Variants in NAV3 observed in about 807,000 individuals in gnomAD.
NAV3 encodes the protein neuron navigator 3, also known as pore membrane and/or filament interacting like protein 1.
A neutral mutation model predicts 244.7 loss-of-function variants in NAV3; 87 were observed. That is an observed-to-expected ratio of 0.36 (90% confidence interval 0.30 to 0.42). The LOEUF is 0.42. Among genes scored for constraint, NAV3 ranks in the 20% least tolerant of loss-of-function variants. NAV3 has a pLI of 1.00. For synonymous variants in NAV3, 1,126 were observed against 1,042.2 expected (o/e 1.08, Z -1.55); for missense variants, 2,663 against 2,893.3 (o/e 0.92, Z 1.83).
At chr12:77,702,417 T>A (rs541864325) in intron 2 of NAV3, among the ~76,000 whole-genome samples, 80 of 152,186 alleles carry the variant, frequency 5.3e-4, no homozygotes, top group African/African-American at 1.9e-3. Context: ...TTCTGCCGTT[T>A]TATTTGGAGT....
At chr12:77,877,314 A>C (rs932281483) in intron 1 of NAV3, among the ~76,000 whole-genome samples, 1 of 152,080 alleles carries the variant, frequency 6.6e-6, no homozygotes, top group African/African-American at 2.4e-5. Context: ...TTAAATTAAT[A>C]ATTTCAATGG....
chr12:77,961,557 A>G (rs1037303109), intron 3 of NAV3, among the ~76,000 whole-genome samples: 4 of 138,332 alleles, frequency 2.9e-5, no homozygotes, highest in Non-Finnish European at 4.6e-5. Context: ...TGTAATATAT[A>G]TTATTAAAGT....
chr12:77,770,408 G>A lies in NAV3; in HGVS notation c.73-169911G>A, dbSNP rs75229984. ...CTTGGAGATGGATGTCATTGAGTTT[G>A]GGCATGTCATGAAATCAGGCCAGTA... On this transcript the variant is annotated intron_variant, in intron 2 of 8. Coordinates refer to the NAV3 transcript ENST00000550042. Among the ~76,000 whole-genome samples, 733 of 152,262 alleles carry A rather than the reference G, an allele frequency of 4.8e-3. 5 individuals are homozygous for A. The highest frequency in any genetic ancestry group is 0.024 in the Middle Eastern group (7 of 294).
At chr12:77,707,320 G>A (rs1243053764) in intron 2 of NAV3, among the ~76,000 whole-genome samples, 1 of 149,236 alleles carries the variant, frequency 6.7e-6, no homozygotes, top group Non-Finnish European at 1.5e-5. Flanking sequence ...TTGGTTTTTT[G>A]TCCTTGGGAT....
At chr12:77,752,875 T>A (rs748826368) in intron 2 of NAV3, among the ~76,000 whole-genome samples, 5 of 152,176 alleles carry the variant, frequency 3.3e-5, no homozygotes, top group Non-Finnish European at 7.3e-5. Context: ...ACATCCCTTT[T>A]TGGTGAGACT....
intron 1 of NAV3, among the ~76,000 whole-genome samples, chr12:77,842,519 C>T (rs558112629): frequency 2.0e-5 from 3 of 150,918 alleles, no homozygotes; most frequent in East Asian, 1.9e-4. Flanking sequence ...TTTAACAAAT[C>T]GGGTGAAGTC....
At chr12:77,895,008 C>T (rs1173970442) in intron 1 of NAV3, among the ~76,000 whole-genome samples, 5 of 152,038 alleles carry the variant, frequency 3.3e-5, no homozygotes, top group Non-Finnish European at 5.9e-5. Context: ...ACTTCAAATG[C>T]CCCCATCTGC....
intron 23 of NAV3, 100 bp downstream of exon 23, chr12:78,159,386 G>A (rs1322085584): frequency 1.2e-5 from 13 of 1,068,844 alleles, no homozygotes; most frequent in Middle Eastern, 2.1e-4. Flanking sequence ...ATTCCAGGCT[G>A]AGTGCAGAGG....
At chr12:78,175,643 A>G (rs911505605) in intron 25 of NAV3, among the ~76,000 whole-genome samples, 5 of 152,050 alleles carry the variant, frequency 3.3e-5, no homozygotes, top group Admixed American at 2.6e-4. Flanking sequence ...AATCACCACT[A>G]TATCTAGACC....
intron 2 of NAV3, among the ~76,000 whole-genome samples, chr12:77,792,277 T>C (rs1871213322): frequency 6.6e-6 from 1 of 152,224 alleles, no homozygotes; most frequent in South Asian, 2.1e-4. Flanking sequence ...AAAACAACCT[T>C]TGCTTTATAA....
At chr12:77,885,921 C>G (rs1296344168) in intron 1 of NAV3, among the ~76,000 whole-genome samples, 1 of 151,948 alleles carries the variant, frequency 6.6e-6, no homozygotes, top group Non-Finnish European at 1.5e-5. Context: ...TAAATACAAC[C>G]TTTTTAGGCA....
At chr12:77,882,351 A>G (rs184930838) in intron 1 of NAV3, among the ~76,000 whole-genome samples, 191 of 152,254 alleles carry the variant, frequency 1.3e-3, no homozygotes, top group Non-Finnish European at 2.5e-3. Flanking sequence ...ATTTCAATAA[A>G]TGGTGCTGGG....
intron 2 of NAV3, among the ~76,000 whole-genome samples, chr12:77,728,873 G>A (rs570699817): frequency 1.7e-4 from 25 of 149,266 alleles, no homozygotes; most frequent in Non-Finnish European, 3.3e-4. Context: ...TTCTGCCTCT[G>A]CTACCCCTGA....
intron 1 of NAV3, among the ~76,000 whole-genome samples, chr12:77,862,165 A>C (rs990426049): frequency 6.6e-6 from 1 of 150,966 alleles, no homozygotes; most frequent in African/African-American, 2.4e-5. Flanking sequence ...TTTTTTGGTC[A>C]TGGGTCTTTG....
upstream of NAV3, among the ~76,000 whole-genome samples, chr12:77,826,680 C>A (rs1257603975): frequency 6.6e-6 from 1 of 152,062 alleles, no homozygotes; most frequent in Non-Finnish European, 1.5e-5. Context: ...GTGAAAACAG[C>A]CAAAAACGAA....
chr12:77,976,674 C>CTTTTTTTTTT (rs869041498), intron 5 of NAV3, among the ~76,000 whole-genome samples: 7 of 83,442 alleles, frequency 8.4e-5, no homozygotes, highest in East Asian at 4.0e-4. Context: ...TTCTTTTTTT[C>CTTTTTTTTTT]TTTTTTTTTT....
At chr12:78,053,436 C>T (rs1883055270) in intron 11 of NAV3, among the ~76,000 whole-genome samples, 1 of 151,980 alleles carries the variant, frequency 6.6e-6, no homozygotes, top group South Asian at 2.1e-4. Context: ...GTCAACTGAT[C>T]AATACATAAA....
intron 26 of NAV3, 50 bp from the exon 27 acceptor site, chr12:78,177,090 AG>A: frequency 6.2e-7 from 1 of 1,606,226 alleles, no homozygotes; most frequent in Non-Finnish European, 8.5e-7. Flanking sequence ...CCAAAGCAAA[AG>A]CTCTCCAAGT....
chr12:77,963,314 A>G (rs1593133451), intron 3 of NAV3, among the ~76,000 whole-genome samples: 2 of 152,134 alleles, frequency 1.3e-5, no homozygotes, highest in Non-Finnish European at 2.9e-5. Flanking sequence ...ATATCATTTT[A>G]TCATTAAAAA....
Sources: allele counts gnomAD v4.1 joint callset (sites outside exome capture counted in the v4.1 genomes callset), GRCh38; gene constraint gnomAD v4.1.1; transcripts MANE v1.5; gene names NCBI Gene and HGNC (gene_info 2026-07-23, HGNC 2026-07-21).